NLRC5: variants seen among roughly 807,000 people sequenced by gnomAD.
NLRC5 encodes NLR family CARD domain containing 5.
A neutral mutation model predicts 206.9 loss-of-function variants in NLRC5; 114 were observed. The ratio of observed to expected loss-of-function variants is 0.55; its 90% CI spans 0.47 to 0.64. NLRC5 has a LOEUF of 0.64. Among genes scored for constraint, NLRC5 ranks in the 30% least tolerant of loss-of-function variants. The pLI is 0.00. For synonymous variants in NLRC5, 952 were observed against 962.8 expected, an observed-to-expected ratio of 0.99 and a Z score of 0.21; for missense variants, 2,008 against 2,305.5, an observed-to-expected ratio of 0.87 and a Z score of 2.64.
chr16:57,080,104 G>A (rs2068942922), intron 46 of NLRC5, among the ~76,000 whole-genome samples: 1 of 152,344 alleles, frequency 6.6e-6, no homozygotes, highest in South Asian at 2.1e-4. Flanking sequence ...GGGCTTTGCA[G>A]TGCTGCCTCA....
chr16:56,996,036 C>T (rs1368086674), intron 1 of NLRC5, among the ~76,000 whole-genome samples: 2 of 152,200 alleles, frequency 1.3e-5, no homozygotes, highest in Non-Finnish European at 2.9e-5. Flanking sequence ...GGTGCTAACG[C>T]ATCTGTAAAC....
Position 57,034,170 on chromosome 16 carries a change from T to C in NLRC5, c.2546T>C (p.Leu849Pro). 1 of 1,613,886 alleles carries C rather than the reference T, an allele frequency of 6.2e-7. No individual in the cohort carries two copies. The highest frequency in any genetic ancestry group is 8.5e-7 in the Non-Finnish European group (1 of 1,179,862). The change falls in exon 13 of 49, where the codon CTG becomes CCG. Residue 849 changes from leucine (L) to proline (P), a missense_variant and splice_region_variant. Leu to Pro is a moderately conservative substitution (Grantham distance 98). Coordinates refer to ENST00000688547, the MANE Select transcript of NLRC5 (RefSeq NM_001384950.1). The stretch of plus-strand genomic sequence containing the variant: ...TCTGTCCCCCACTCCTACCCAAGGC[T>C]GCAGAAGTGTCAGCTCCAGGTCCAC... ...GAQSRSLTLR[L>P]QKCQLQVHDA...
chr16:57,000,859 G>A (rs1461593879), intron 1 of NLRC5, among the ~76,000 whole-genome samples: 1 of 152,138 alleles, frequency 6.6e-6, no homozygotes, highest in Non-Finnish European at 1.5e-5. Flanking sequence ...CCCCTGAAAG[G>A]AGGGTGACGC....
chr16:57,032,209 G>T (rs1397928989), intron 11 of NLRC5, among the ~76,000 whole-genome samples: 2 of 151,920 alleles, frequency 1.3e-5, no homozygotes, highest in Non-Finnish European at 2.9e-5. Context: ...AGGTGTTCAA[G>T]ACCAGCCTGG....
At chr16:57,036,377 C>T (rs2062578430) in intron 14 of NLRC5, among the ~76,000 whole-genome samples, 194 bp downstream of exon 14, 1 of 152,224 alleles carries the variant, frequency 6.6e-6, no homozygotes, top group Non-Finnish European at 1.5e-5. Flanking sequence ...GTCCAATCAT[C>T]TAGCACCCTT....
chr16:57,075,073 A>G (rs1459541534), intron 39 of NLRC5, among the ~76,000 whole-genome samples: 3 of 118,328 alleles, frequency 2.5e-5, no homozygotes, highest in Non-Finnish European at 1.6e-5. Flanking sequence ...TGTGTGGCCC[A>G]GGCTGGAGTG....
chr16:57,077,580 CT>C lies in NLRC5; in HGVS notation c.4920-138del. ...CCTGCTCTTCTCTGGGCCTTTCTGC[CT>C]CATTGTCTGGGTAGGTGTGTGGTGT... On this transcript the variant is annotated intron_variant, in intron 41 of 48. Coordinates refer to ENST00000688547, the MANE Select transcript of NLRC5 (RefSeq NM_001384950.1). 1.9e-5 allele frequency: 19 copies of C among 988,554 alleles called. No homozygotes were observed. The South Asian group carries it at 2.7e-4, about 14-fold the overall frequency. The allele number at this position is 988,554 out of a possible 1,614,324, so 61.2% of individuals were successfully genotyped here.
chr16:56,998,557 G>C (rs1350244199), intron 1 of NLRC5, among the ~76,000 whole-genome samples: 1 of 152,156 alleles, frequency 6.6e-6, no homozygotes, highest in Non-Finnish European at 1.5e-5. Flanking sequence ...TATGTAACTG[G>C]CCTGGCGTCA....
intron 32 of NLRC5, among the ~76,000 whole-genome samples, chr16:57,063,144 C>T (rs2066720779): frequency 7.5e-6 from 1 of 133,918 alleles, no homozygotes; most frequent in African/African-American, 2.9e-5. Context: ...CAGAGTCTCA[C>T]TCTTGTCACC....
At position 57,020,721 on chromosome 16, in the gene NLRC5, C is replaced by T. The variant is rs749433310; in HGVS notation, c.9C>T (p.Pro3=). Residue 3 remains proline (P), a synonymous_variant, in exon 3 of 49, where the codon CCC becomes CCT. Coordinates refer to ENST00000688547, the MANE Select transcript of NLRC5 (RefSeq NM_001384950.1). ...TCCAGGGCTGGCTCCTCATGGACCC[C>T]GTTGGCCTCCAGCTCGGCAACAAGA... MD[P]VGLQLGNKNL... is the part of the protein sequence containing the mutation. 18 of 1,610,306 alleles carry T rather than the reference C, an allele frequency of 1.1e-5. No homozygotes were observed. Among genetic ancestry groups the T allele is most frequent in the East Asian group, 4.5e-5 (2 of 44,732 alleles).
At chr16:57,054,681 T>G in intron 24 of NLRC5, 70 bp from the exon 25 acceptor site, 1 of 1,117,796 alleles carries the variant, frequency 8.9e-7, no homozygotes, top group Non-Finnish European at 1.4e-6. Flanking sequence ...ACCCTCCCTT[T>G]CCTTACCCTC....
chr16:56,999,323 G>T (rs1234486061), intron 1 of NLRC5, among the ~76,000 whole-genome samples: 4 of 152,216 alleles, frequency 2.6e-5, no homozygotes, highest in Non-Finnish European at 4.4e-5. Flanking sequence ...GCTTTCTGCT[G>T]AGAAGTTTAG....
chr16:57,036,230 G>A, intron 14 of NLRC5, 47 bp downstream of exon 14: 1 of 1,560,952 alleles, frequency 6.4e-7, no homozygotes, highest in Non-Finnish European at 8.8e-7. Flanking sequence ...GCCCTGTAGA[G>A]CCCCAGGAGG....
chr16:57,031,487 C>A, intron 11 of NLRC5, 24 bp downstream of exon 11: 1 of 1,612,506 alleles, frequency 6.2e-7, no homozygotes, highest in Non-Finnish European at 8.5e-7. Flanking sequence ...AGGCGGTGGG[C>A]CTGGGGCCAT....
At chr16:57,054,662 G>GCCCA in intron 24 of NLRC5, 89 bp from the exon 25 acceptor site, 1 of 846,146 alleles carries the variant, frequency 1.2e-6, no homozygotes, top group Non-Finnish European at 2.1e-6. Context: ...TGAGCTGCTA[G>GCCCA]CCCTCCCCAC....
rs769850424 is a variant in NLRC5, at chr16:57,059,452, C to G, written c.3921-15C>G. The G allele has an allele frequency of 6.2e-7, 1 of 1,601,410 alleles. No homozygotes were observed. The highest frequency in any genetic ancestry group is 1.1e-5 in the South Asian group (1 of 88,674). ...TGTCTGGGCACCGTGCTTCCCCAGG[C>G]CCTTCTCTCTGCAGCCTGGGCTCTG... is the stretch of plus-strand genomic sequence containing the variant. On this transcript the variant is annotated splice_polypyrimidine_tract_variant and intron_variant, in intron 29 of 48. Transcript: ENST00000688547.
At chr16:57,080,038 C>G (rs750789880) in intron 46 of NLRC5, among the ~76,000 whole-genome samples, 1 of 152,144 alleles carries the variant, frequency 6.6e-6, no homozygotes, top group Non-Finnish European at 1.5e-5. Context: ...CACCCCCAGA[C>G]CTGCTGGCTG....
At chr16:56,994,411 A>G (rs1375581168) in intron 1 of NLRC5, among the ~76,000 whole-genome samples, 1 of 152,180 alleles carries the variant, frequency 6.6e-6, no homozygotes, top group Non-Finnish European at 1.5e-5. Context: ...CAGCTTCTCC[A>G]CTGAGCTTCC....
chr16:57,047,937 G>C lies in NLRC5; in HGVS notation c.3422+309G>C, dbSNP rs2064227877. On this transcript the variant is annotated intron_variant, in intron 23 of 48. Coordinates refer to ENST00000688547, the MANE Select transcript of NLRC5 (RefSeq NM_001384950.1). ...CAACCCCACCCCTGGAGCCTCACCA[G>C]GGCACCCACTTGAACCTGCCTGCAT... The C allele has an allele frequency of 1.2e-5, 5 of 409,144 alleles. No individual in the cohort carries two copies. In the South Asian group the frequency reaches 1.4e-4, roughly 12 times the overall value. 25.3% of individuals were successfully genotyped at this position (409,144 alleles called of 1,614,324 possible). A position where few individuals can be genotyped will look rare whatever the true frequency, so the allele number is the denominator to read the frequency against.
Sources: gnomAD v4.1 joint callset for allele counts (sites outside exome capture counted in the v4.1 genomes callset) on GRCh38, gnomAD v4.1.1 for gene constraint, MANE v1.5 for transcripts, NCBI Gene and HGNC (gene_info 2026-07-23, HGNC 2026-07-21) for gene names.